Variants in THADA observed in about 807,000 individuals in gnomAD.
The protein encoded by THADA is THADA armadillo repeat containing.
In THADA, 213 loss-of-function variants were observed where a neutral mutation model predicts 219.8. The ratio of observed to expected loss-of-function variants is 0.97; its 90% CI spans 0.87 to 1.09. THADA has a LOEUF of 1.09. THADA is among the 50% of genes least tolerant of loss of function. The pLI is 0.00. For synonymous variants in THADA, 1,018 were observed against 828.9 expected, an observed-to-expected ratio of 1.23 and a Z score of -3.92; for missense variants, 2,956 against 2,311.3, an observed-to-expected ratio of 1.28 and a Z score of -5.72.
intron 11 of THADA, among the ~76,000 whole-genome samples, chr2:43,573,501 A>G (rs1699518989): frequency 6.6e-6 from 1 of 152,248 alleles, no homozygotes; most frequent in South Asian, 2.1e-4. Flanking sequence ...ATATAAAAAT[A>G]AAGACAACCT....
chr2:43,291,266 A>T (rs957026494), intron 34 of THADA, among the ~76,000 whole-genome samples: 7 of 151,488 alleles, frequency 4.6e-5, no homozygotes, highest in Non-Finnish European at 8.9e-5. Flanking sequence ...CCTGGACAAC[A>T]TGGTGAAACC....
At chr2:43,431,756 G>C (rs1330240240) in intron 26 of THADA, among the ~76,000 whole-genome samples, 3 of 48,726 alleles carry the variant, frequency 6.2e-5, no homozygotes, top group African/African-American at 3.8e-4. Context: ...GCTCCGCCTC[G>C]CGGGTTCACG....
intron 29 of THADA, among the ~76,000 whole-genome samples, chr2:43,352,573 TA>T (rs1558626255): frequency 6.6e-6 from 1 of 151,542 alleles, no homozygotes; most frequent in African/African-American, 2.4e-5. Context: ...ATAATAATAA[TA>T]AAAAAATGCA....
intron 26 of THADA, among the ~76,000 whole-genome samples, chr2:43,450,579 A>G (rs998186416): frequency 1.2e-4 from 19 of 152,232 alleles, no homozygotes; most frequent in African/African-American, 4.6e-4. Flanking sequence ...AAAAAAAGCT[A>G]TAAGGCATAT....
intron 29 of THADA, among the ~76,000 whole-genome samples, chr2:43,373,172 T>C (rs562888220): frequency 1.3e-5 from 2 of 152,196 alleles, no homozygotes; most frequent in Non-Finnish European, 1.5e-5. Context: ...GTATTGGGTG[T>C]TTAAGGTTAA....
chr2:43,401,680 C>T (rs978249097), intron 28 of THADA, among the ~76,000 whole-genome samples: 1 of 152,178 alleles, frequency 6.6e-6, no homozygotes, highest in Non-Finnish European at 1.5e-5. Flanking sequence ...TACTATGCAA[C>T]ATTCCTGTAG....
At chr2:43,265,986 CACACAG>C (rs1440521287) in intron 36 of THADA, among the ~76,000 whole-genome samples, 47 of 106,342 alleles carry the variant, frequency 4.4e-4, no homozygotes, top group Admixed American at 1.4e-3. Context: ...CACACACACA[CACACAG>C]ACTCTTGAGG....
intron 26 of THADA, among the ~76,000 whole-genome samples, chr2:43,467,556 A>G (rs1261999348): frequency 6.6e-6 from 1 of 152,190 alleles, no homozygotes; most frequent in Non-Finnish European, 1.5e-5. Context: ...CTGTATTTCT[A>G]TTTTTATTTC....
intron 21 of THADA, among the ~76,000 whole-genome samples, chr2:43,528,503 T>C (rs992951157): frequency 6.6e-6 from 1 of 152,108 alleles, no homozygotes; most frequent in Non-Finnish European, 1.5e-5. Flanking sequence ...ACGATCATTA[T>C]CTCTACTTCA....
intron 7 of THADA, among the ~76,000 whole-genome samples, chr2:43,585,573 TAGATAGAA>T (rs1265410118): frequency 3.8e-4 from 52 of 138,440 alleles, no homozygotes; most frequent in Admixed American, 2.9e-3. Flanking sequence ...GATAGATAGA[TAGATAGAA>T]AGAAATACAT....
chr2:43,392,111 G>C (rs1440407877), intron 29 of THADA, among the ~76,000 whole-genome samples: 2 of 152,108 alleles, frequency 1.3e-5, no homozygotes, highest in Non-Finnish European at 2.9e-5. Context: ...AACATCTTAG[G>C]TCGCCAAATG....
At position 43,586,465 on chromosome 2, in the gene THADA, T is replaced by C; in HGVS notation, c.485-16A>G. 6.5e-7 allele frequency: 1 copy of C among 1,546,866 alleles called. No homozygotes were observed. The highest frequency in any genetic ancestry group is 8.7e-7 in the Non-Finnish European group (1 of 1,147,882). On this transcript the variant is annotated splice_polypyrimidine_tract_variant and intron_variant, in intron 6 of 37. Coordinates refer to ENST00000405975, the MANE Select transcript of THADA (RefSeq NM_022065.5). ...AAATGAAGCACTGAAACAAAAAGAA[T>C]ATGACAAATAAGAATTTAAAACTGT...
intron 29 of THADA, among the ~76,000 whole-genome samples, chr2:43,346,047 G>A (rs1051398992): frequency 6.6e-6 from 1 of 152,026 alleles, no homozygotes; most frequent in Admixed American, 6.6e-5. Context: ...AATGGAGAGC[G>A]ATCTATTTAC....
intron 29 of THADA, among the ~76,000 whole-genome samples, chr2:43,379,764 T>C (rs955619824): frequency 2.0e-5 from 3 of 152,234 alleles, no homozygotes; most frequent in Admixed American, 1.3e-4. Flanking sequence ...CCTTTGTTCA[T>C]AACTGCCCCA....
chr2:43,368,915 A>C (rs1294650172), intron 29 of THADA, among the ~76,000 whole-genome samples: 1 of 152,098 alleles, frequency 6.6e-6, no homozygotes, highest in African/African-American at 2.4e-5. Flanking sequence ...TATAGCAATG[A>C]CACCTCTCCT....
At chr2:43,335,268 G>A (rs1245637395) in intron 30 of THADA, among the ~76,000 whole-genome samples, 1 of 152,166 alleles carries the variant, frequency 6.6e-6, no homozygotes, top group East Asian at 1.9e-4. Context: ...TAAAAACACT[G>A]GATAGATGGA....
At chr2:43,444,502 G>C (rs1291386437) in intron 26 of THADA, among the ~76,000 whole-genome samples, 2 of 152,148 alleles carry the variant, frequency 1.3e-5, no homozygotes, top group African/African-American at 4.8e-5. Flanking sequence ...AGTTTTTAGA[G>C]CATCTGAGCT....
At chr2:43,541,533 G>C (rs962376236) in intron 20 of THADA, among the ~76,000 whole-genome samples, 6 of 151,680 alleles carry the variant, frequency 4.0e-5, no homozygotes, top group African/African-American at 1.5e-4. Context: ...TTTGGAGACA[G>C]GGTCTCGCTC....
In THADA at chr2:43,528,186, A is replaced by G. The variant is rs1030229680; in HGVS notation, c.3265-198T>C. Among the ~76,000 whole-genome samples the G allele has an allele frequency of 7.5e-5, 10 of 133,222 alleles. No individual in the cohort carries two copies. In the South Asian group the frequency reaches 1.6e-3, roughly 21 times the overall value. The allele number at this position is 133,222 out of a possible 152,430, so 87.4% of individuals were successfully genotyped here. ...TGCTCTGTTGTCCAGGCTGGAGTGC[A>G]GTGGCACAGTCTCAGCTCACTGCAA... On this transcript the variant is annotated intron_variant, in intron 21 of 37. Coordinates refer to ENST00000405975, the MANE Select transcript of THADA (RefSeq NM_022065.5).
Sources: allele counts gnomAD v4.1 joint callset (sites outside exome capture counted in the v4.1 genomes callset), GRCh38; gene constraint gnomAD v4.1.1; transcripts MANE v1.5; gene names NCBI Gene and HGNC (gene_info 2026-07-23, HGNC 2026-07-21).